Variants in COL11A2 observed in about 807,000 individuals in gnomAD.
COL11A2 encodes collagen alpha-2(XI) chain.
COL11A2 carries 116 observed loss-of-function variants against 273.4 expected under a neutral mutation model. That is an observed-to-expected ratio of 0.42 (90% confidence interval 0.36 to 0.49). The LOEUF is 0.49. Ranked by LOEUF, COL11A2 falls within the 20% of genes least tolerant of loss-of-function variation. The pLI, the probability that COL11A2 is intolerant of heterozygous loss-of-function variation, is 0.00. For missense variants in COL11A2, 1,866 were observed against 2,309.0 expected (o/e 0.81, Z 3.93); for synonymous variants, 782 against 864.2 (o/e 0.90, Z 1.67).
chr6:33,166,337 T>G lies in COL11A2; in HGVS notation c.4393-131A>C, dbSNP rs1320737963. On this transcript the variant is annotated intron_variant, in intron 60 of 65. Transcript: ENST00000341947. The surrounding 1 kb of genome is among the most constrained non-coding windows in gnomAD (Gnocchi z 4.8). ...AGGAGGGGCAGTCTTGTGGGAATACTAGGACATTCAGAGCCCTGGAAGTAT... is the reference window on the plus strand; with the variant it reads ...AGGAGGGGCAGTCTTGTGGGAATACGAGGACATTCAGAGCCCTGGAAGTAT... The G allele has an allele frequency of 7.7e-7, 1 of 1,300,962 alleles. No individual in the cohort carries two copies. Among genetic ancestry groups the G allele is most frequent in the Non-Finnish European group, 1.1e-6 (1 of 943,850 alleles). The allele number at this position is 1,300,962 out of a possible 1,614,324, so 80.6% of individuals were successfully genotyped here.
In COL11A2 at chr6:33,186,630, G is replaced by T; in HGVS notation, c.795C>A (p.Ser265Arg). The T allele has an allele frequency of 6.2e-7, 1 of 1,614,126 alleles. No individual in the cohort carries two copies. Among genetic ancestry groups the T allele is most frequent in the Non-Finnish European group, 8.5e-7 (1 of 1,180,018 alleles). The stretch of plus-strand genomic sequence containing the variant: ...GGGGTTCTCCCAGCTCCCTCACCTG[G>T]CTCTGGGGTTCCTGATTTTGTGGCC... ...LHRPQNQEPQ[S>R]QPTESLYYDY... The change falls in exon 5 of 66, where the codon AGC becomes AGA. Residue 265 changes from serine to arginine, a missense_variant. Coordinates refer to ENST00000341947, the MANE Select transcript of COL11A2 (RefSeq NM_080680.3).
In COL11A2 at chr6:33,169,794, G is replaced by A. The variant is rs540252944; in HGVS notation, c.3690+37C>T. 55 of 1,613,212 alleles carry A rather than the reference G, an allele frequency of 3.4e-5. No homozygotes were observed. Among genetic ancestry groups the A allele is most frequent in the South Asian group, 3.0e-4 (27 of 91,058 alleles). On this transcript the variant is annotated intron_variant, in intron 50 of 65. Transcript: ENST00000341947. This position sits in a 1 kb window ranked among gnomAD's most constrained non-coding sequence, Gnocchi z 5.5. ...TGGAGGCAGGGTTGAGGCGGGTGAC[G>A]GGGACTGGGGAGTAAGGCCTTGGAG...
Position 33,163,640 on chromosome 6 carries a change from G to A in COL11A2, c.*38C>T. 1 of 1,612,962 alleles carries A rather than the reference G, an allele frequency of 6.2e-7. No individual in the cohort carries two copies. The highest frequency in any genetic ancestry group is 8.5e-7 in the Non-Finnish European group (1 of 1,179,948). On this transcript the variant is annotated 3_prime_UTR_variant, in exon 66 of 66. Coordinates refer to ENST00000341947, the MANE Select transcript of COL11A2 (RefSeq NM_080680.3). The surrounding 1 kb of genome is among the most constrained non-coding windows in gnomAD (Gnocchi z 4.1). ...GCTGATGTTGTGGGATTCCAGGTGG[G>A]CCTGGTTCCGAATGGACAGGATCAG...
rs1450871898 is a variant in COL11A2 at position 33,185,745 on chromosome 6, G to A, written c.832C>T (p.Pro278Ser). 7.3e-7 allele frequency: 1 copy of A among 1,362,902 alleles called. No individual in the cohort carries two copies. The highest frequency in any genetic ancestry group is 1.9e-5 in the Admixed American group (1 of 52,542). 84.4% of individuals were successfully genotyped at this position (1,362,902 alleles called of 1,614,324 possible). ...TESLYYDYEP[P>S]YYDVMTTGTT... ...CCCGTAGTCATCACATCATAATAGGGGGGCTCGTAGTCATAGTAGAGAGAC... is the reference window on the plus strand; with the variant it reads ...CCCGTAGTCATCACATCATAATAGGAGGGCTCGTAGTCATAGTAGAGAGAC... Residue 278 changes from proline (P) to serine (S), a missense_variant, in exon 6 of 66, where the codon CCC (proline) becomes TCC (serine). Coordinates refer to ENST00000341947, the MANE Select transcript of COL11A2 (RefSeq NM_080680.3).
Position 33,173,113 on chromosome 6 carries a change from C to T in COL11A2, c.2737G>A (p.Gly913Ser). ...PGHPGQRGEV[G>S]FQGKTGPPGP... Reference sequence around the variant, plus strand: ...GGGGGGCCGGTCTTCCCTTGGAAACCCTAGGCGAGGAAGAGAGGAGAATGC... The same window carrying T: ...GGGGGGCCGGTCTTCCCTTGGAAACTCTAGGCGAGGAAGAGAGGAGAATGC... The change falls in exon 38 of 66, where the codon GGT (glycine) becomes AGT (serine). Residue 913 changes from glycine to serine, a missense_variant and splice_region_variant. Transcript: ENST00000341947. This position sits in a 1 kb window ranked among gnomAD's most constrained non-coding sequence, Gnocchi z 6.3. 1 of 1,611,678 alleles carries T rather than the reference C, an allele frequency of 6.2e-7. No homozygotes were observed. Among genetic ancestry groups the T allele is most frequent in the African/African-American group, 1.3e-5 (1 of 74,902 alleles).
At position 33,171,544 on chromosome 6, in the gene COL11A2, G is replaced by T; in HGVS notation, c.3181C>A (p.Arg1061=). The change falls in exon 43 of 66, where the codon CGA becomes AGA. Residue 1061 remains arginine (R), a synonymous_variant. Transcript: ENST00000341947. ...CCCACAGGACCCTGCACTCCATCTC[G>T]GCCAGTCGGGCCAATGGGGCCCTTC... ...GEKGPIGPTG[R]DGVQGPVGLP... 6.2e-7 allele frequency: 1 copy of T among 1,613,966 alleles called. No individual in the cohort carries two copies. The highest frequency in any genetic ancestry group is 1.3e-5 in the African/African-American group (1 of 75,002).
Position 33,166,371 on chromosome 6 carries a change from G to A in COL11A2, c.4392+142C>T, listed in dbSNP as rs764897507. The A allele has an allele frequency of 2.4e-5, 30 of 1,229,376 alleles. No individual in the cohort carries two copies. The highest frequency in any genetic ancestry group is 3.4e-5 in the Non-Finnish European group (30 of 874,314). The allele number at this position is 1,229,376 out of a possible 1,614,324, so 76.2% of individuals were successfully genotyped here. A position where few individuals can be genotyped will look rare whatever the true frequency, so the allele number is the denominator to read the frequency against. On this transcript the variant is annotated intron_variant, in intron 60 of 65. Coordinates refer to ENST00000341947, the MANE Select transcript of COL11A2 (RefSeq NM_080680.3). This position sits in a 1 kb window ranked among gnomAD's most constrained non-coding sequence, Gnocchi z 4.8. ...CAGAGCCCTGGAAGTATGGGGAGGAGGTACTGGTGGTGACAGGACAAATGG... is the reference window on the plus strand; with the variant it reads ...CAGAGCCCTGGAAGTATGGGGAGGAAGTACTGGTGGTGACAGGACAAATGG...
At position 33,166,518 on chromosome 6, in the gene COL11A2, G is replaced by T; in HGVS notation, c.4387C>A (p.Leu1463Ile). 6.2e-7 allele frequency: 1 copy of T among 1,613,672 alleles called. No individual in the cohort carries two copies. The highest frequency in any genetic ancestry group is 1.1e-5 in the South Asian group (1 of 91,076). The change falls in exon 60 of 66, where the codon CTC (leucine) becomes ATC (isoleucine). Residue 1463 changes from leucine to isoleucine, a missense_variant. By Grantham distance (5) the Leu-to-Ile change is conservative. Transcript: ENST00000341947. The surrounding 1 kb of genome is among the most constrained non-coding windows in gnomAD (Gnocchi z 4.8). ...GPIGPGGPPG[L>I]PGPAGPKGAK... ...GGAACAGAGGCAGTACTCACGGGGA[G>T]GCCGGGGGGACCTCCAGGACCAATG...
chr6:33,168,193 C>T (rs576111032), intron 54 of COL11A2, among the ~76,000 whole-genome samples: 27 of 152,198 alleles, frequency 1.8e-4, no homozygotes. Context: ...ACCACCACTA[C>T]CCCTGGTGAA....
chr6:33,188,527 G>T lies in COL11A2; in HGVS notation c.444-3C>A. 4.3e-6 allele frequency: 7 copies of T among 1,613,016 alleles called. No individual in the cohort carries two copies. The highest frequency in any genetic ancestry group is 5.9e-6 in the Non-Finnish European group (7 of 1,179,984). The stretch of plus-strand genomic sequence containing the variant: ...CAGCCACAGCCACACGGTGCCACCT[G>T]GAAATGGTGGAAGAGGTTCAAGTGA... On this transcript the variant is annotated splice_polypyrimidine_tract_variant and splice_region_variant and intron_variant, in intron 3 of 65. Transcript: ENST00000341947.
intron 30 of COL11A2, among the ~76,000 whole-genome samples, chr6:33,174,953 C>A (rs1171613950): frequency 2.0e-5 from 3 of 152,140 alleles, no homozygotes; most frequent in African/African-American, 4.8e-5. Flanking sequence ...CCCCTGCAGG[C>A]CCTTTGCCCA....
In COL11A2 at chr6:33,173,479, G is replaced by T; in HGVS notation, c.2682+23C>A. On this transcript the variant is annotated intron_variant, in intron 36 of 65. Transcript: ENST00000341947. This position sits in a 1 kb window ranked among gnomAD's most constrained non-coding sequence, Gnocchi z 6.3. ...AGAAGGACTCAGAGAAGCGAGGTGG[G>T]TCAGAGCTCGGGGTCAACTTACCGG... The T allele has an allele frequency of 6.2e-7, 1 of 1,612,242 alleles. No homozygotes were observed. The highest frequency in any genetic ancestry group is 8.5e-7 in the Non-Finnish European group (1 of 1,179,420).
Position 33,168,977 on chromosome 6 carries a change from G to A in COL11A2, c.3830C>T (p.Pro1277Leu), listed in dbSNP as rs777156156. 1.2e-6 allele frequency: 2 copies of A among 1,609,768 alleles called. No homozygotes were observed. Among genetic ancestry groups the A allele is most frequent in the Non-Finnish European group, 1.7e-6 (2 of 1,178,360 alleles). ...GPVGFPGDPG[P>L]PGEGGPRGQD... ...CACCCGAGGGCCACCTTCTCCAGGG[G>A]GGCCAGGGTCACCAGGAAAACCAAC... The change falls in exon 52 of 66, where the codon CCC becomes CTC. Residue 1277 changes from proline to leucine, a missense_variant. By Grantham distance (98) the Pro-to-Leu change is moderately conservative. Coordinates refer to ENST00000341947, the MANE Select transcript of COL11A2 (RefSeq NM_080680.3).
chr6:33,181,057 C>A (rs1562366922), intron 9 of COL11A2, 52 bp from the exon 10 acceptor site: 1 of 1,614,092 alleles, frequency 6.2e-7, no homozygotes, highest in African/African-American at 1.3e-5. Context: ...CACACTCAAC[C>A]CCACTTGCTT....
In COL11A2 at chr6:33,177,406, G is replaced by A. The variant is rs746341530; in HGVS notation, c.1971+6C>T. On this transcript the variant is annotated splice_donor_region_variant and intron_variant, in intron 23 of 65. Coordinates refer to ENST00000341947, the MANE Select transcript of COL11A2 (RefSeq NM_080680.3). The surrounding 1 kb of genome is among the most constrained non-coding windows in gnomAD (Gnocchi z 5.9). ...AATTGGGGAACGGAGTAGGGGCACC[G>A]CTCACCTGGGTCCCAGGGGTGCCCT... 5.8e-5 allele frequency: 93 copies of A among 1,612,662 alleles called. No individual in the cohort carries two copies. Among genetic ancestry groups the A allele is most frequent in the African/African-American group, 1.5e-4 (11 of 74,928 alleles).
At position 33,173,791 on chromosome 6, in the gene COL11A2, G is replaced by C; in HGVS notation, c.2584-46C>G. On this transcript the variant is annotated intron_variant, in intron 34 of 65. Transcript: ENST00000341947. The surrounding 1 kb of genome is among the most constrained non-coding windows in gnomAD (Gnocchi z 6.3). ...AAGGAGTGGGAAGAGCTGCTTTCCA[G>C]CTGTCCCCGAGGTCAGGATGTTGAG... The C allele has an allele frequency of 3.1e-6, 5 of 1,608,500 alleles. No homozygotes were observed. The highest frequency in any genetic ancestry group is 1.3e-5 in the African/African-American group (1 of 74,854).
At chr6:33,175,464 A>G (rs1770763895) in intron 30 of COL11A2, 110 bp downstream of exon 30, 2 of 831,166 alleles carry the variant, frequency 2.4e-6, no homozygotes, top group Non-Finnish European at 4.1e-6. Flanking sequence ...TGACTAATGC[A>G]TGGCCATCTT....
Position 33,178,178 on chromosome 6 carries a change from C to A in COL11A2, c.1826G>T (p.Arg609Leu). The change falls in exon 21 of 66, where the codon CGA becomes CTA. Residue 609 changes from arginine to leucine, a missense_variant. By Grantham distance (102) the Arg-to-Leu change is moderately radical (BLOSUM62 -2). Coordinates refer to ENST00000341947, the MANE Select transcript of COL11A2 (RefSeq NM_080680.3). This position sits in a 1 kb window ranked among gnomAD's most constrained non-coding sequence, Gnocchi z 4.6. ...PRGLPGESGP[R>L]GLLGPKGPPG... The stretch of plus-strand genomic sequence containing the variant: ...TGGGCCTTTGGGGCCAAGGAGACCT[C>A]GAGGTCCCTGCATTCACGGTGAGGG... 1 of 1,611,692 alleles carries A rather than the reference C, an allele frequency of 6.2e-7. No individual in the cohort carries two copies. The highest frequency in any genetic ancestry group is 8.5e-7 in the Non-Finnish European group (1 of 1,179,122).
Position 33,176,292 on chromosome 6 carries a change from TC to T in COL11A2, c.2180del (p.Gly727GlufsTer5). On this transcript the variant is annotated frameshift_variant, in exon 28 of 66. Transcript: ENST00000341947. LOFTEE classifies it high-confidence loss of function. This position sits in a 1 kb window ranked among gnomAD's most constrained non-coding sequence, Gnocchi z 4.9. ...CCTTATGACCCTTCAGACCCCGAAT[TC>T]CGTCCACACCCTAGAATTAGAGAGG... ...PGPRGVKGVDGIRGLKGHKGE... is the reference protein window; with the variant it reads ...PGPRGVKGVDXIRGLKGHKGE... The T allele has an allele frequency of 6.2e-7, 1 of 1,607,228 alleles. No individual in the cohort carries two copies. Among genetic ancestry groups the T allele is most frequent in the South Asian group, 1.1e-5 (1 of 90,220 alleles).
Sources: allele counts gnomAD v4.1 joint callset (sites outside exome capture counted in the v4.1 genomes callset), GRCh38; gene constraint gnomAD v4.1.1; non-coding constraint Gnocchi (gnomAD v3.1); transcripts MANE v1.5; gene names NCBI Gene and HGNC (gene_info 2026-07-23, HGNC 2026-07-21).